PGM5: variants seen among roughly 807,000 people sequenced by gnomAD.
PGM5 encodes phosphoglucomutase 5.
In PGM5, 23 loss-of-function variants were observed where a neutral mutation model predicts 59.2. That is an observed-to-expected ratio of 0.39 (90% CI 0.28 to 0.55). The LOEUF is 0.55. Among genes scored for constraint, PGM5 ranks in the 20% least tolerant of loss-of-function variants. PGM5 has a pLI of 0.66. For synonymous variants in PGM5, 214 were observed against 286.0 expected (o/e 0.75, Z 2.54); for missense variants, 574 against 748.3 (o/e 0.77, Z 2.72).
chr9:68,470,689 T>C (rs1292734732), intron 7 of PGM5, among the ~76,000 whole-genome samples: 1 of 152,372 alleles, frequency 6.6e-6, no homozygotes, highest in African/African-American at 2.4e-5. Flanking sequence ...CATATATCCA[T>C]GCATTTCAGA....
At chr9:68,449,542 G>C (rs1823663319) in intron 6 of PGM5, among the ~76,000 whole-genome samples, 2 of 152,188 alleles carry the variant, frequency 1.3e-5, no homozygotes, top group Admixed American at 1.3e-4. Context: ...AACTCACACA[G>C]GCACCTTCCC....
chr9:68,487,164 T>C (rs1303421313), intron 9 of PGM5, among the ~76,000 whole-genome samples: 3 of 152,130 alleles, frequency 2.0e-5, no homozygotes, highest in Admixed American at 2.0e-4. Context: ...TGGAGTCAGA[T>C]AGACACAGGA....
At chr9:68,524,365 G>A (rs1824942057) in intron 10 of PGM5, among the ~76,000 whole-genome samples, 1 of 152,160 alleles carries the variant, frequency 6.6e-6, no homozygotes, top group South Asian at 2.1e-4. Flanking sequence ...AACCCTGCAA[G>A]GTGGCAGAAG....
chr9:68,404,326 G>T (rs546402592), intron 6 of PGM5, among the ~76,000 whole-genome samples: 2 of 152,190 alleles, frequency 1.3e-5, no homozygotes, highest in African/African-American at 2.4e-5. Context: ...ACAGGGTTTT[G>T]CCATGTTGGC....
chr9:68,502,111 G>A (rs1554688697), intron 10 of PGM5, among the ~76,000 whole-genome samples: 1 of 152,200 alleles, frequency 6.6e-6, no homozygotes, highest in Non-Finnish European at 1.5e-5. Flanking sequence ...GTGGTAAGGA[G>A]AGGATGGGCC....
chr9:68,457,587 CAT>C (rs1244155641), intron 6 of PGM5, among the ~76,000 whole-genome samples: 1 of 152,080 alleles, frequency 6.6e-6, no homozygotes, highest in Non-Finnish European at 1.5e-5. Flanking sequence ...TGTCTTATGA[CAT>C]AGATTCAATA....
At chr9:68,359,996 C>T (rs1183636799) in intron 1 of PGM5, among the ~76,000 whole-genome samples, 10 of 152,038 alleles carry the variant, frequency 6.6e-5, no homozygotes, top group Non-Finnish European at 1.2e-4. Flanking sequence ...AGGTGCATGC[C>T]ACTATGCACA....
At chr9:68,385,242 C>T (rs1284353182) in intron 3 of PGM5, among the ~76,000 whole-genome samples, 2 of 151,586 alleles carry the variant, frequency 1.3e-5, no homozygotes, top group African/African-American at 2.4e-5. Context: ...CATTTTCCCC[C>T]TGTATTTTAT....
intron 10 of PGM5, among the ~76,000 whole-genome samples, chr9:68,509,761 C>T (rs4744621): frequency 0.72 from 110,126 of 152,018 alleles, 40,487 homozygotes; most frequent in East Asian, 0.99. Flanking sequence ...CTCTGGGGCA[C>T]AGGGACTGTC....
At chr9:68,406,477 A>G (rs1424651140) in intron 6 of PGM5, 3 of 149,408 alleles carry the variant, frequency 2.0e-5, no homozygotes, top group Non-Finnish European at 4.4e-5. Flanking sequence ...ATGGTAACTC[A>G]TTAATCCACT....
intron 1 of PGM5, among the ~76,000 whole-genome samples, chr9:68,365,563 C>T (rs1291895018): frequency 6.6e-6 from 1 of 152,080 alleles, no homozygotes; most frequent in Non-Finnish European, 1.5e-5. Context: ...AAGTCATGTC[C>T]GTAGTTGTAT....
chr9:68,391,168 A>G (rs1204302632), intron 4 of PGM5, among the ~76,000 whole-genome samples: 1 of 151,830 alleles, frequency 6.6e-6, no homozygotes, highest in Non-Finnish European at 1.5e-5. Flanking sequence ...ACATTGCTAG[A>G]GCCCTTTAAT....
chr9:68,476,180 G>A (rs1246555633), intron 7 of PGM5, among the ~76,000 whole-genome samples: 2 of 151,980 alleles, frequency 1.3e-5, no homozygotes, highest in African/African-American at 4.8e-5. Flanking sequence ...CTCTTCCCCC[G>A]TCAAACCTTT....
intron 6 of PGM5, among the ~76,000 whole-genome samples, chr9:68,445,583 T>C (rs1823598743): frequency 6.6e-6 from 1 of 152,116 alleles, no homozygotes; most frequent in Admixed American, 6.5e-5. Flanking sequence ...ATTCTCTCCT[T>C]ACACTTGCTC....
intron 7 of PGM5, among the ~76,000 whole-genome samples, chr9:68,465,521 C>T (rs543076472): frequency 7.1e-4 from 108 of 152,204 alleles, no homozygotes; most frequent in Non-Finnish European, 1.3e-3. Flanking sequence ...AACTTGTGAT[C>T]AATCTTCCTT....
At chr9:68,491,548 C>T (rs899437873) in intron 9 of PGM5, among the ~76,000 whole-genome samples, 1 of 152,304 alleles carries the variant, frequency 6.6e-6, no homozygotes, top group African/African-American at 2.4e-5. Context: ...TAAAGACAGT[C>T]GGGCTCTGTA....
At chr9:68,383,740 T>TAAAAAA (rs61055122) in intron 2 of PGM5, among the ~76,000 whole-genome samples, 2 of 106,298 alleles carry the variant, frequency 1.9e-5, no homozygotes, top group African/African-American at 3.5e-5. Context: ...ATATACAAGG[T>TAAAAAA]AAAAAAAAAA....
At chr9:68,367,599 A>G (rs1834705242) in intron 1 of PGM5, among the ~76,000 whole-genome samples, 2 of 152,172 alleles carry the variant, frequency 1.3e-5, no homozygotes, top group South Asian at 4.1e-4. Flanking sequence ...GGATCTCCCA[A>G]ATGTAAAGTG....
intron 10 of PGM5, among the ~76,000 whole-genome samples, chr9:68,506,001 ATCAT>A (rs1296468574): frequency 1.3e-5 from 2 of 152,190 alleles, no homozygotes; most frequent in Non-Finnish European, 2.9e-5. Context: ...AAAGACTCCT[ATCAT>A]TCAGGAAGTT....
Sources: gnomAD v4.1 joint callset for allele counts (sites outside exome capture counted in the v4.1 genomes callset) on GRCh38, gnomAD v4.1.1 for gene constraint, MANE v1.5 for transcripts, NCBI Gene and HGNC (gene_info 2026-07-23, HGNC 2026-07-21) for gene names.